Variants in ZC3H12C observed in about 807,000 individuals in gnomAD.
The protein encoded by ZC3H12C is probable ribonuclease ZC3H12C.
Under a neutral mutation model 76.3 loss-of-function variants are expected in ZC3H12C, and 20 were observed. That is an observed-to-expected ratio of 0.26 (90% CI 0.18 to 0.38). The LOEUF is 0.38. Among genes scored for constraint, ZC3H12C ranks in the 10% least tolerant of loss-of-function variants. The pLI is 1.00. For synonymous variants in ZC3H12C, 352 were observed against 399.6 expected, an observed-to-expected ratio of 0.88 and a Z score of 1.42; for missense variants, 874 against 1,086.5, an observed-to-expected ratio of 0.80 and a Z score of 2.75.
At position 110,170,067 on chromosome 11, in the gene ZC3H12C, A is replaced by G. The variant is rs1862648760; in HGVS notation, c.*4330A>G. Reference sequence around the variant, plus strand: ...TAATTGCATTTCAGTTGACATTAAAAGAAAATCTGGTAGTTTTTGATGTCC... The same window carrying G: ...TAATTGCATTTCAGTTGACATTAAAGGAAAATCTGGTAGTTTTTGATGTCC... On this transcript the variant is annotated 3_prime_UTR_variant, in exon 6 of 6. Coordinates refer to ENST00000278590, the MANE Select transcript of ZC3H12C (RefSeq NM_033390.2). 6.6e-6 allele frequency: 1 copy of G among 152,240 alleles called. No homozygotes were observed. The highest frequency in any genetic ancestry group is 2.1e-4 in the South Asian group (1 of 4,832). 9.4% of individuals were successfully genotyped at this position (152,240 alleles called of 1,614,324 possible).
At chr11:110,120,050 C>T (rs12420764) in intron 1 of ZC3H12C, among the ~76,000 whole-genome samples, 3 of 152,158 alleles carry the variant, frequency 2.0e-5, no homozygotes, top group Non-Finnish European at 4.4e-5. Flanking sequence ...TTACCATCAC[C>T]TGACATGTAT....
chr11:110,101,303 C>T lies in ZC3H12C; in HGVS notation c.21+7871C>T, dbSNP rs1861209910. Among the ~76,000 whole-genome samples, 5 of 152,174 alleles carry T rather than the reference C, an allele frequency of 3.3e-5. No homozygotes were observed. The South Asian group carries it at 1.0e-3, about 31-fold the overall frequency. ...TTAGGTGAAGCAGCAAGTTATCCAGCTCTAGCCAAGATAATTGATGAAGGT... is the reference window on the plus strand; with the variant it reads ...TTAGGTGAAGCAGCAAGTTATCCAGTTCTAGCCAAGATAATTGATGAAGGT... On this transcript the variant is annotated intron_variant, in intron 1 of 5. Transcript: ENST00000278590.
chr11:110,160,688 T>C (rs1862463759), intron 4 of ZC3H12C, among the ~76,000 whole-genome samples: 1 of 152,184 alleles, frequency 6.6e-6, no homozygotes, highest in Admixed American at 6.5e-5. Flanking sequence ...AACGATGCCT[T>C]TTGAAATACT....
chr11:110,093,758 G>A (rs901224104), intron 1 of ZC3H12C, among the ~76,000 whole-genome samples: 2 of 152,126 alleles, frequency 1.3e-5, no homozygotes, highest in East Asian at 3.9e-4. Flanking sequence ...CCGCCCGGGG[G>A]CATAGATCGC....
chr11:110,135,515 A>G (rs952254805), intron 1 of ZC3H12C, among the ~76,000 whole-genome samples: 1 of 150,700 alleles, frequency 6.6e-6, no homozygotes, highest in African/African-American at 2.4e-5. Context: ...AAAAAAAGTA[A>G]ATCCTTGATG....
At position 110,169,252 on chromosome 11, in the gene ZC3H12C, G is replaced by T. The variant is rs1862632730; in HGVS notation, c.*3515G>T. On this transcript the variant is annotated 3_prime_UTR_variant, in exon 6 of 6. Coordinates refer to ENST00000278590, the MANE Select transcript of ZC3H12C (RefSeq NM_033390.2). ...ACATGTCTTATGGATGTATCTATAT[G>T]TATATAGACAGTAATATATTTATAA... is the stretch of plus-strand genomic sequence containing the variant. The T allele has an allele frequency of 6.6e-6, 1 of 151,730 alleles. No homozygotes were observed. Among genetic ancestry groups the T allele is most frequent in the East Asian group, 1.9e-4 (1 of 5,190 alleles). The allele number at this position is 151,730 out of a possible 1,614,324, so 9.4% of individuals were successfully genotyped here. A position where few individuals can be genotyped will look rare whatever the true frequency, so the allele number is the denominator to read the frequency against.
chr11:110,141,128 G>C (rs560967637), intron 2 of ZC3H12C, among the ~76,000 whole-genome samples: 1 of 152,048 alleles, frequency 6.6e-6, no homozygotes, highest in Non-Finnish European at 1.5e-5. Flanking sequence ...GAAAACAGCT[G>C]GTGTTAGTAC....
rs201832074 is a variant in ZC3H12C, at chr11:110,094,992, AAAC to A, written c.21+1569_21+1571del. ...ACCAAAGTAAAATGAACTTTTAAATAAACAACAACAAAGTGACTGGCATTTTTT... is the reference window on the plus strand; with the variant it reads ...ACCAAAGTAAAATGAACTTTTAAATAAACAACAAAGTGACTGGCATTTTTT... On this transcript the variant is annotated intron_variant, in intron 1 of 5. Transcript: ENST00000278590. Among the ~76,000 whole-genome samples, 101 of 152,354 alleles carry A rather than the reference AAAC, an allele frequency of 6.6e-4. No homozygotes were observed. The East Asian group carries it at 0.015, about 23-fold the overall frequency.
intron 3 of ZC3H12C, among the ~76,000 whole-genome samples, chr11:110,156,043 C>G (rs951224115): frequency 6.6e-6 from 1 of 152,064 alleles, no homozygotes; most frequent in African/African-American, 2.4e-5. Context: ...TTTAAAAATA[C>G]CAGCATGCCA....
At chr11:110,153,611 C>T (rs1040796689) in intron 3 of ZC3H12C, among the ~76,000 whole-genome samples, 1 of 151,812 alleles carries the variant, frequency 6.6e-6, no homozygotes, top group African/African-American at 2.4e-5. Context: ...GAAATTCTGA[C>T]CTTTAGAGAG....
At chr11:110,148,779 A>G (rs1236079950) in intron 2 of ZC3H12C, among the ~76,000 whole-genome samples, 2 of 152,246 alleles carry the variant, frequency 1.3e-5, no homozygotes, top group Admixed American at 1.3e-4. Flanking sequence ...CTATAGAGCT[A>G]TGGTGAATGT....
intron 1 of ZC3H12C, among the ~76,000 whole-genome samples, chr11:110,113,001 A>C (rs200523139): frequency 6.3e-5 from 1 of 15,816 alleles, no homozygotes; most frequent in Non-Finnish European, 1.5e-4. Context: ...GCCCCCCCCT[A>C]CCAAAAAAAA....
chr11:110,121,363 T>G (rs1861648207), intron 1 of ZC3H12C, among the ~76,000 whole-genome samples: 1 of 152,200 alleles, frequency 6.6e-6, no homozygotes, highest in Admixed American at 6.5e-5. Context: ...CCCGGCCCCG[T>G]TAGAGCTAAC....
intron 1 of ZC3H12C, among the ~76,000 whole-genome samples, chr11:110,120,284 AT>A (rs1565253399): frequency 1.3e-5 from 2 of 152,134 alleles, no homozygotes; most frequent in African/African-American, 4.8e-5. Context: ...TTTAATATAT[AT>A]TGTTGATTCA....
chr11:110,156,543 A>G (rs1862380090), intron 3 of ZC3H12C, among the ~76,000 whole-genome samples: 1 of 152,226 alleles, frequency 6.6e-6, no homozygotes, highest in Admixed American at 6.5e-5. Flanking sequence ...AGGCCACCGA[A>G]CTTAATCTAC....
chr11:110,100,160 C>A (rs373475878), intron 1 of ZC3H12C, among the ~76,000 whole-genome samples: 1 of 151,032 alleles, frequency 6.6e-6, no homozygotes, highest in South Asian at 2.1e-4. Flanking sequence ...CAGAGTTTGG[C>A]ATATAGTAAA....
chr11:110,107,362 T>C (rs779224679), intron 1 of ZC3H12C, among the ~76,000 whole-genome samples: 17 of 150,578 alleles, frequency 1.1e-4, no homozygotes, highest in Non-Finnish European at 1.8e-4. Context: ...TACAAAACCA[T>C]TTATTCAAAT....
intron 1 of ZC3H12C, among the ~76,000 whole-genome samples, chr11:110,133,722 C>T (rs1021797455): frequency 5.9e-5 from 9 of 151,696 alleles, no homozygotes; most frequent in South Asian, 2.1e-4. Flanking sequence ...TCCTATTTTC[C>T]GCCTTGTATC....
At chr11:110,123,574 A>G (rs1018998680) in intron 1 of ZC3H12C, among the ~76,000 whole-genome samples, 16 of 152,218 alleles carry the variant, frequency 1.1e-4, no homozygotes, top group African/African-American at 3.9e-4. Context: ...AAAGATTTTC[A>G]TAAACCTTAA....
Sources: allele counts gnomAD v4.1 joint callset (sites outside exome capture counted in the v4.1 genomes callset), GRCh38; gene constraint gnomAD v4.1.1; transcripts MANE v1.5; gene names NCBI Gene and HGNC (gene_info 2026-07-23, HGNC 2026-07-21).